The following FARS2 variants were observed in gnomAD, a reference collection of about 807,000 sequenced individuals.
FARS2 encodes the protein phenylalanyl-tRNA synthetase 2, mitochondrial.
FARS2 carries 40 observed loss-of-function variants against 46.4 expected under a neutral mutation model. The ratio of observed to expected loss-of-function variants is 0.86; its 90% confidence interval spans 0.67 to 1.12. The LOEUF (loss-of-function observed/expected upper bound fraction) is 1.12. FARS2 is among the 50% of genes most tolerant of loss of function. The pLI is 0.00. For missense variants in FARS2, 513 were observed against 567.9 expected (o/e 0.90, Z 0.98); for synonymous variants, 234 against 214.9 (o/e 1.09, Z -0.78).
At chr6:5,658,504 A>G (rs553720062) in intron 6 of FARS2, among the ~76,000 whole-genome samples, 1 of 152,296 alleles carries the variant, frequency 6.6e-6, no homozygotes, top group African/African-American at 2.4e-5. Context: ...ACCAGTGTGC[A>G]CTCTAATATA....
chr6:5,560,981 A>C (rs549325593), intron 5 of FARS2, among the ~76,000 whole-genome samples: 37 of 152,184 alleles, frequency 2.4e-4, no homozygotes, highest in Non-Finnish European at 4.7e-4. Flanking sequence ...ATACAAAAAA[A>C]ATAGCTGGGT....
chr6:5,520,905 A>G lies in FARS2; in HGVS notation c.905-24275A>G, dbSNP rs749438204. Among the ~76,000 whole-genome samples the G allele has an allele frequency of 4.1e-4, 62 of 152,272 alleles. 1 individual carries two copies. The highest frequency in any genetic ancestry group is 1.9e-4 in the Non-Finnish European group (13 of 68,020). ...ATTTTTAATGTCCTGTTGGATTTCA[A>G]TTGGTTGCTGAAATGATGGATTTGG... On this transcript the variant is annotated intron_variant, in intron 4 of 6. Coordinates refer to ENST00000274680, the MANE Select transcript of FARS2 (RefSeq NM_006567.5).
chr6:5,475,736 A>G (rs1766084675), intron 4 of FARS2, among the ~76,000 whole-genome samples: 2 of 152,044 alleles, frequency 1.3e-5, no homozygotes, highest in Admixed American at 6.6e-5. Flanking sequence ...CTCCTACCCC[A>G]GGGCTTTGCA....
intron 6 of FARS2, among the ~76,000 whole-genome samples, chr6:5,704,811 T>G (rs552403178): frequency 6.6e-6 from 1 of 152,328 alleles, no homozygotes; most frequent in Admixed American, 6.5e-5. Context: ...TCGAACTTAT[T>G]TGCACTGCAG....
intron 1 of FARS2, among the ~76,000 whole-genome samples, chr6:5,356,718 C>T (rs979294678): frequency 6.6e-6 from 1 of 151,826 alleles, no homozygotes; most frequent in African/African-American, 2.4e-5. Flanking sequence ...AAAAATGTGA[C>T]CAGAGGCTCG....
chr6:5,320,519 C>T (rs1027130808), intron 1 of FARS2, among the ~76,000 whole-genome samples: 3 of 152,302 alleles, frequency 2.0e-5, no homozygotes, highest in Non-Finnish European at 2.9e-5. Flanking sequence ...ATTCTTTGGA[C>T]CACTTAAGGT....
At chr6:5,476,192 G>A (rs573376410) in intron 4 of FARS2, among the ~76,000 whole-genome samples, 3 of 152,166 alleles carry the variant, frequency 2.0e-5, no homozygotes, top group African/African-American at 4.8e-5. Flanking sequence ...AGCCCCCGGC[G>A]AACGGGAGAG....
intron 1 of FARS2, among the ~76,000 whole-genome samples, chr6:5,277,769 A>C (rs1766437675): frequency 6.6e-6 from 1 of 152,220 alleles, no homozygotes; most frequent in South Asian, 2.1e-4. Flanking sequence ...GATAATATGC[A>C]AGAACATTGG....
chr6:5,598,765 T>C (rs368675122), intron 5 of FARS2, among the ~76,000 whole-genome samples: 1 of 151,952 alleles, frequency 6.6e-6, no homozygotes, highest in East Asian at 1.9e-4. Context: ...GACCAGGACA[T>C]GGGGGTAGGG....
intron 6 of FARS2, among the ~76,000 whole-genome samples, chr6:5,722,677 C>G (rs9405866): frequency 0.32 from 48,386 of 151,942 alleles, 9,163 homozygotes; most frequent in East Asian, 0.8. Context: ...CTACACTGAT[C>G]GGGCCTGAGG....
chr6:5,357,758 G>A (rs959610652), intron 1 of FARS2, among the ~76,000 whole-genome samples: 5 of 152,232 alleles, frequency 3.3e-5, no homozygotes, highest in Non-Finnish European at 4.4e-5. Flanking sequence ...GTAGGAGTCA[G>A]GTGAACCTGG....
chr6:5,397,934 A>G (rs1761005440), intron 2 of FARS2, among the ~76,000 whole-genome samples: 1 of 152,116 alleles, frequency 6.6e-6, no homozygotes, highest in Admixed American at 6.5e-5. Context: ...TCTCAACTTG[A>G]CATGATTTTG....
intron 6 of FARS2, among the ~76,000 whole-genome samples, chr6:5,735,789 A>G (rs1309820366): frequency 1.3e-5 from 2 of 152,134 alleles, no homozygotes; most frequent in African/African-American, 2.4e-5. Context: ...TCCCCAGCCT[A>G]TCGAACACAT....
chr6:5,749,968 A>G (rs555491705), intron 6 of FARS2, among the ~76,000 whole-genome samples: 6 of 152,204 alleles, frequency 3.9e-5, no homozygotes, highest in African/African-American at 1.4e-4. Context: ...CACGCATTCC[A>G]CCCAGTAAGG....
intron 1 of FARS2, among the ~76,000 whole-genome samples, chr6:5,354,542 C>CA (rs980802226): frequency 6.9e-6 from 1 of 145,596 alleles, no homozygotes; most frequent in African/African-American, 2.6e-5. Flanking sequence ...GAGATGGAGT[C>CA]TCACTCTGTT....
intron 5 of FARS2, among the ~76,000 whole-genome samples, chr6:5,591,713 A>G (rs549507529): frequency 6.6e-6 from 1 of 152,288 alleles, no homozygotes; most frequent in African/African-American, 2.4e-5. Context: ...CTGCCATTAT[A>G]CAATCATCAA....
At chr6:5,622,125 C>T (rs944112537) in intron 6 of FARS2, among the ~76,000 whole-genome samples, 4 of 152,212 alleles carry the variant, frequency 2.6e-5, no homozygotes, top group African/African-American at 9.6e-5. Context: ...CATGGACCAC[C>T]GTTGGGTTAA....
chr6:5,677,959 C>G lies in FARS2; in HGVS notation c.1217+64639C>G, dbSNP rs577511402. On this transcript the variant is annotated intron_variant, in intron 6 of 6. Transcript: ENST00000274680. Reference sequence around the variant, plus strand: ...ACAATGAAAGTATGGATTCGAATGGCATCTTTGAAAATTGCAAGAAATGGA... The same window carrying G: ...ACAATGAAAGTATGGATTCGAATGGGATCTTTGAAAATTGCAAGAAATGGA... Among the ~76,000 whole-genome samples the G allele has an allele frequency of 4.3e-4, 66 of 152,224 alleles. No individual in the cohort carries two copies. In the East Asian group the frequency reaches 0.01, roughly 24 times the overall value.
intron 6 of FARS2, among the ~76,000 whole-genome samples, chr6:5,759,181 T>C (rs960815558): frequency 6.6e-6 from 1 of 152,128 alleles, no homozygotes; most frequent in East Asian, 1.9e-4. Context: ...ATATGTGCCA[T>C]CCCCTCTGTC....
Sources: allele counts gnomAD v4.1 joint callset (sites outside exome capture counted in the v4.1 genomes callset), GRCh38; gene constraint gnomAD v4.1.1; transcripts MANE v1.5; gene names NCBI Gene and HGNC (gene_info 2026-07-23, HGNC 2026-07-21).